Variants in SGF29 observed in about 807,000 individuals in gnomAD.
SGF29 encodes SAGA complex associated factor 29.
A neutral mutation model predicts 38.1 loss-of-function variants in SGF29; 15 were observed. The observed-to-expected ratio is 0.39, with a 90% CI of 0.26 to 0.61. SGF29 has a LOEUF of 0.61. Among genes scored for constraint, SGF29 ranks in the 20% least tolerant of loss-of-function variants. SGF29 has a pLI of 0.49. For missense variants in SGF29, 184 were observed against 394.6 expected (o/e 0.47, Z 4.52); for synonymous variants, 151 against 160.8 (o/e 0.94, Z 0.46).
At chr16:28,587,046 A>G (rs2046959256) in intron 4 of SGF29, among the ~76,000 whole-genome samples, 1 of 152,084 alleles carries the variant, frequency 6.6e-6, no homozygotes, top group Admixed American at 6.6e-5. Context: ...GGGTTTTGCC[A>G]TGTTGCCCAG....
intron 4 of SGF29, 126 bp from the exon 5 acceptor site, chr16:28,588,974 G>C: frequency 3.1e-6 from 3 of 959,294 alleles, no homozygotes; most frequent in Non-Finnish European, 4.9e-6. Context: ...GGAGGCTACT[G>C]TGAGAACCTC....
Position 28,590,617 on chromosome 16 carries a change from C to A in SGF29, c.567-14C>A, listed in dbSNP as rs1400896739. ...CCCTGGCTGCATCCAGCCTTTTCCT[C>A]CTTTTGTCTGCAGGTATGAGGTAGA... On this transcript the variant is annotated splice_polypyrimidine_tract_variant and intron_variant, in intron 7 of 9. Coordinates refer to ENST00000317058, the MANE Select transcript of SGF29 (RefSeq NM_138414.3). The surrounding 1 kb of genome is among the most constrained non-coding windows in gnomAD (Gnocchi z 8.2). The A allele has an allele frequency of 6.2e-7, 1 of 1,613,520 alleles. No homozygotes were observed. The highest frequency in any genetic ancestry group is 8.5e-7 in the Non-Finnish European group (1 of 1,179,972).
chr16:28,573,951 C>T (rs1048301874), intron 1 of SGF29, among the ~76,000 whole-genome samples: 3 of 152,098 alleles, frequency 2.0e-5, no homozygotes, highest in Admixed American at 6.6e-5. Context: ...AGTAAAACCC[C>T]CTGTCCAGTG....
chr16:28,559,149 A>T (rs556589761), intron 1 of SGF29, among the ~76,000 whole-genome samples: 1 of 152,196 alleles, frequency 6.6e-6, no homozygotes, highest in Non-Finnish European at 1.5e-5. Context: ...ATGAGACCTC[A>T]TCTCAACAGA....
At chr16:28,588,655 C>G in intron 4 of SGF29, 1 of 425,020 alleles carries the variant, frequency 2.4e-6, no homozygotes. Context: ...ACCTCTGCCT[C>G]CCAGGTTCAA....
intron 1 of SGF29, among the ~76,000 whole-genome samples, chr16:28,572,361 C>T (rs2046870042): frequency 6.6e-6 from 1 of 151,926 alleles, no homozygotes; most frequent in African/African-American, 2.4e-5. Context: ...CATCCGCCTG[C>T]TGGGTTCAAG....
intron 1 of SGF29, among the ~76,000 whole-genome samples, chr16:28,567,350 G>A (rs1003823283): frequency 6.6e-6 from 1 of 152,160 alleles, no homozygotes; most frequent in Non-Finnish European, 1.5e-5. Flanking sequence ...GAAGCACAGA[G>A]CAAGCCCTCA....
chr16:28,554,839 A>T (rs756778872), intron 1 of SGF29, among the ~76,000 whole-genome samples: 3 of 152,192 alleles, frequency 2.0e-5, no homozygotes, highest in Non-Finnish European at 2.9e-5. Context: ...GGCCAAATGC[A>T]TTGTTAAGTT....
rs1372132403 is a variant in SGF29 at position 28,589,125 on chromosome 16, A to T, written c.250A>T (p.Ile84Phe). Reference sequence around the variant, plus strand: ...CATCCTTCGGAAAGCTCTGGACAAGATCGCGGAAATCAAGTCTCTGTTGGA... The same window carrying T: ...CATCCTTCGGAAAGCTCTGGACAAGTTCGCGGAAATCAAGTCTCTGTTGGA... ...CNILRKALDK[I>F]AEIKSLLEER... The change falls in exon 5 of 10, where the codon ATC becomes TTC. Residue 84 changes from isoleucine (I) to phenylalanine (F), a missense_variant. Ile to Phe is a conservative substitution (Grantham distance 21). Coordinates refer to ENST00000317058, the MANE Select transcript of SGF29 (RefSeq NM_138414.3). The T allele has an allele frequency of 6.2e-7, 1 of 1,614,040 alleles. No homozygotes were observed. Among genetic ancestry groups the T allele is most frequent in the Admixed American group, 1.7e-5 (1 of 60,004 alleles).
intron 5 of SGF29, 112 bp from the exon 6 acceptor site, chr16:28,589,984 C>G (rs1353001508): frequency 2.8e-6 from 4 of 1,432,812 alleles, no homozygotes; most frequent in Non-Finnish European, 3.7e-6. Context: ...CCCTCGGGCT[C>G]ACTCGGGAAC....
At chr16:28,566,368 C>T (rs1418002034) in intron 1 of SGF29, among the ~76,000 whole-genome samples, 1 of 151,984 alleles carries the variant, frequency 6.6e-6, no homozygotes, top group African/African-American at 2.4e-5. Flanking sequence ...AGTTTGTGAT[C>T]AGTGGAGGAG....
chr16:28,587,992 G>A (rs2046964759), intron 4 of SGF29, among the ~76,000 whole-genome samples: 1 of 152,026 alleles, frequency 6.6e-6, no homozygotes, highest in Non-Finnish European at 1.5e-5. Context: ...TAGAGAAGGA[G>A]TTTCTCTATG....
rs142936826 is a variant in SGF29 at position 28,568,186 on chromosome 16, G to A, written c.-15-12869G>A. The stretch of plus-strand genomic sequence containing the variant: ...AAATTAGCCAGGCATGGTGGTCGGC[G>A]CCTATAATCCCAGCTGCTCAGGAGG... On this transcript the variant is annotated intron_variant, in intron 1 of 9. Coordinates refer to ENST00000317058, the MANE Select transcript of SGF29 (RefSeq NM_138414.3). Among the ~76,000 whole-genome samples the A allele has an allele frequency of 7.8e-3, 1,190 of 151,800 alleles. 6 individuals are homozygous for A. The highest frequency in any genetic ancestry group is 0.012 in the Non-Finnish European group (785 of 67,946).
chr16:28,584,788 C>CAA (rs377573618), intron 2 of SGF29, 125 bp from the exon 3 acceptor site: 1,961 of 416,012 alleles, frequency 4.7e-3, no homozygotes, highest in South Asian at 7.5e-3. Context: ...GACTCCATCT[C>CAA]AAAAAAAAAA....
chr16:28,571,771 T>A (rs1433721023), intron 1 of SGF29, among the ~76,000 whole-genome samples: 1 of 152,000 alleles, frequency 6.6e-6, no homozygotes, highest in African/African-American at 2.4e-5. Context: ...TGGACCTAAC[T>A]GTGGAGATGG....
At chr16:28,575,087 T>G (rs1437292127) in intron 1 of SGF29, among the ~76,000 whole-genome samples, 3 of 152,150 alleles carry the variant, frequency 2.0e-5, no homozygotes. Context: ...ACTTCAGTTG[T>G]CCAGTGCATC....
intron 1 of SGF29, among the ~76,000 whole-genome samples, chr16:28,554,506 T>C (rs1053733999): frequency 4.6e-5 from 7 of 152,170 alleles, no homozygotes; most frequent in African/African-American, 1.7e-4. Context: ...TATATAGTTC[T>C]TAACAAGATA....
At position 28,590,468 on chromosome 16, in the gene SGF29, C is replaced by T; in HGVS notation, c.566+26C>T. 6.2e-7 allele frequency: 1 copy of T among 1,613,902 alleles called. No individual in the cohort carries two copies. Among genetic ancestry groups the T allele is most frequent in the African/African-American group, 1.3e-5 (1 of 75,030 alleles). On this transcript the variant is annotated intron_variant, in intron 7 of 9. Transcript: ENST00000317058. The surrounding 1 kb of genome is among the most constrained non-coding windows in gnomAD (Gnocchi z 8.2). Reference sequence around the variant, plus strand: ...GTGAGTGACACCAACCCTGGGGCTGCTCTCTGGTCACCGAACTTGCCTGGG... The same window carrying T: ...GTGAGTGACACCAACCCTGGGGCTGTTCTCTGGTCACCGAACTTGCCTGGG...
intron 1 of SGF29, among the ~76,000 whole-genome samples, chr16:28,570,348 C>A (rs1182752902): frequency 3.9e-5 from 6 of 152,170 alleles, no homozygotes; most frequent in African/African-American, 1.4e-4. Flanking sequence ...TTTGGACTTA[C>A]CTGGGACCTA....
Sources: gnomAD v4.1 joint callset for allele counts (sites outside exome capture counted in the v4.1 genomes callset) on GRCh38, gnomAD v4.1.1 for gene constraint, Gnocchi (gnomAD v3.1) non-coding constraint, MANE v1.5 for transcripts, NCBI Gene and HGNC (gene_info 2026-07-23, HGNC 2026-07-21) for gene names.